Variants in ZNF638 observed in about 807,000 individuals in gnomAD.
ZNF638 encodes zinc finger protein 638.
A neutral mutation model predicts 195.6 loss-of-function variants in ZNF638; 46 were observed. The ratio of observed to expected loss-of-function variants is 0.24; its 90% CI spans 0.19 to 0.30. The LOEUF is 0.30. Ranked by LOEUF, ZNF638 falls within the 10% of genes least tolerant of loss-of-function variation. The pLI is 1.00. For synonymous variants in ZNF638, 845 were observed against 772.0 expected (o/e 1.09, Z -1.57); for missense variants, 2,440 against 2,325.3 (o/e 1.05, Z -1.01).
intron 19 of ZNF638, 95 bp from the exon 20 acceptor site, chr2:71,408,027 G>A: frequency 8.8e-7 from 1 of 1,132,518 alleles, no homozygotes; most frequent in South Asian, 1.6e-5. Context: ...ATTCCTTTTA[G>A]GTGTATACTA....
chr2:71,404,118 G>T lies in ZNF638; in HGVS notation c.2958+120G>T, dbSNP rs1235052028. On this transcript the variant is annotated intron_variant, in intron 17 of 27. Transcript: ENST00000264447. Reference sequence around the variant, plus strand: ...CATTTTTCTCACAGACACTGAGAAAGCTTCTTCCTGTCCCTCCAACAATCA... The same window carrying T: ...CATTTTTCTCACAGACACTGAGAAATCTTCTTCCTGTCCCTCCAACAATCA... The T allele has an allele frequency of 5.1e-6, 5 of 977,930 alleles. No homozygotes were observed. The African/African-American group carries it at 8.3e-5, about 16-fold the overall frequency. 60.6% of individuals were successfully genotyped at this position (977,930 alleles called of 1,614,324 possible). A position where few individuals can be genotyped will look rare whatever the true frequency, so the allele number is the denominator to read the frequency against.
At chr2:71,360,921 T>C (rs1361759173) in intron 3 of ZNF638, among the ~76,000 whole-genome samples, 2 of 152,198 alleles carry the variant, frequency 1.3e-5, no homozygotes, top group East Asian at 3.8e-4. Flanking sequence ...ACATGCTTTA[T>C]CTTTCTGCTC....
At chr2:71,382,051 A>G (rs577286354) in intron 10 of ZNF638, among the ~76,000 whole-genome samples, 2 of 152,142 alleles carry the variant, frequency 1.3e-5, no homozygotes, top group African/African-American at 2.4e-5. Context: ...GCATTTTATT[A>G]TATGGAATTT....
rs766119671 is a variant in ZNF638 at position 71,348,825 on chromosome 2, G to T, written c.-130G>T. ...ACCTGGGCATTGCAAACCCACTTCT[G>T]TTGGGCCCATCTCCTTTGCACTTTG... On this transcript the variant is annotated 5_prime_UTR_variant, in exon 2 of 28. Transcript: ENST00000264447. 1.3e-6 allele frequency: 2 copies of T among 1,599,354 alleles called. No homozygotes were observed. Among genetic ancestry groups the T allele is most frequent in the Non-Finnish European group, 1.7e-6 (2 of 1,175,876 alleles).
chr2:71,404,860 AC>A (rs2080074863), intron 17 of ZNF638, among the ~76,000 whole-genome samples: 1 of 151,900 alleles, frequency 6.6e-6, no homozygotes, highest in Admixed American at 6.6e-5. Flanking sequence ...CCTCTATGTG[AC>A]CTATAAACAT....
At chr2:71,348,411 T>C in intron 1 of ZNF638, 3 of 999,810 alleles carry the variant, frequency 3.0e-6, no homozygotes, top group Non-Finnish European at 3.6e-6. Flanking sequence ...AATGCCTTCA[T>C]CTTTTTTTTC....
At chr2:71,434,412 T>A (rs1004633735) in intron 27 of ZNF638, among the ~76,000 whole-genome samples, 2 of 152,256 alleles carry the variant, frequency 1.3e-5, no homozygotes. Context: ...GTTGTTGCAC[T>A]GTCTTTAAAG....
chr2:71,379,473 A>G (rs1558855505), intron 8 of ZNF638: 1 of 152,170 alleles, frequency 6.6e-6, no homozygotes, highest in Non-Finnish European at 1.5e-5. Flanking sequence ...TGTCTTGGTT[A>G]TCAGATTGAC....
rs550479641 is a variant in ZNF638, at chr2:71,421,448, A to G, written c.3300-1366A>G. 6.6e-5 allele frequency among the ~76,000 whole-genome samples: 10 copies of G among 152,266 alleles called. No homozygotes were observed. In the East Asian group the frequency reaches 1.9e-3, roughly 29 times the overall value. On this transcript the variant is annotated intron_variant, in intron 21 of 27. Transcript: ENST00000264447. ...TGATTAAGGTTTAGGGTCAAGAGGT[A>G]TTTCTCTAATCTGGTAGAAAAGTTT...
In ZNF638 at chr2:71,349,437, T is replaced by C. The variant is rs1473876604; in HGVS notation, c.483T>C (p.Pro161=). ...ACCTAGAAGAACTTAGTCGCTATCC[T>C]GATGAACAACTAACTCCTGAAAATA... The part of the protein sequence containing the change: ...NEDLEELSRY[P]DEQLTPENMP... Residue 161 remains proline (P), a synonymous_variant, in exon 2 of 28, where the codon CCT becomes CCC. Coordinates refer to ENST00000264447, the MANE Select transcript of ZNF638 (RefSeq NM_014497.5). The C allele has an allele frequency of 5.6e-6, 9 of 1,614,022 alleles. No homozygotes were observed. The African/African-American group carries it at 1.2e-4, about 22-fold the overall frequency.
intron 26 of ZNF638, 126 bp from the exon 27 acceptor site, chr2:71,433,039 A>G (rs111758912): frequency 1.3e-5 from 10 of 743,974 alleles, no homozygotes; most frequent in African/African-American, 7.0e-5. Context: ...GTGAGCTGAC[A>G]TCGCGCCACT....
intron 26 of ZNF638, among the ~76,000 whole-genome samples, chr2:71,432,149 A>C (rs541066257): frequency 5.6e-4 from 86 of 152,314 alleles, no homozygotes; most frequent in African/African-American, 2.0e-3. Flanking sequence ...GTTGCCCATC[A>C]TTCTACCTCT....
chr2:71,405,133 C>T (rs887105103), intron 17 of ZNF638, among the ~76,000 whole-genome samples: 1 of 152,212 alleles, frequency 6.6e-6, no homozygotes, highest in African/African-American at 2.4e-5. Context: ...TAGTTGTCCT[C>T]TGCCTGCTTT....
At position 71,403,925 on chromosome 2, in the gene ZNF638, G is replaced by C. The variant is rs370337956; in HGVS notation, c.2885G>C (p.Cys962Ser). Residue 962 changes from cysteine to serine, a missense_variant, in exon 17 of 28, where the codon TGC becomes TCC. Coordinates refer to ENST00000264447, the MANE Select transcript of ZNF638 (RefSeq NM_014497.5). ...GAGTCTATGGTAAAATTTTATACCT[G>C]CTTCCCAGTATTGATGGATGGAAAT... is the stretch of plus-strand genomic sequence containing the variant. ...AAESMVKFYT[C>S]FPVLMDGNQL... The C allele has an allele frequency of 3.1e-6, 5 of 1,609,502 alleles. No homozygotes were observed. Among genetic ancestry groups the C allele is most frequent in the Non-Finnish European group, 4.3e-6 (5 of 1,176,402 alleles).
Position 71,423,677 on chromosome 2 carries a change from C to T in ZNF638, c.4163C>T (p.Ser1388Phe). The T allele has an allele frequency of 6.2e-7, 1 of 1,613,882 alleles. No individual in the cohort carries two copies. Among genetic ancestry groups the T allele is most frequent in the Non-Finnish European group, 8.5e-7 (1 of 1,180,026 alleles). Residue 1388 changes from serine to phenylalanine, a missense_variant, in exon 22 of 28, where the codon TCT becomes TTT. By Grantham distance (155) the Ser-to-Phe change is radical. Around this residue, in one of 5 missense-constraint regions of ZNF638, gnomAD observed 1,883 missense variants for 1,739.1 expected, o/e 1.08. Coordinates refer to ENST00000264447, the MANE Select transcript of ZNF638 (RefSeq NM_014497.5). The stretch of plus-strand genomic sequence containing the variant: ...AGTATTCTGGCTGTATCAGATGTAT[C>T]TAGCAGTAAACCAAGCATCAAGGCT... ...KTSILAVSDVSSSKPSIKAVI... is the reference protein window; with the variant it reads ...KTSILAVSDVFSSKPSIKAVI...
chr2:71,433,742 C>G (rs1239509072), intron 27 of ZNF638, among the ~76,000 whole-genome samples: 1 of 152,210 alleles, frequency 6.6e-6, no homozygotes, highest in African/African-American at 2.4e-5. Flanking sequence ...GAAGTGGTGA[C>G]TCTAGTTCCT....
At chr2:71,410,019 T>A (rs1221354138) in intron 20 of ZNF638, among the ~76,000 whole-genome samples, 1 of 152,232 alleles carries the variant, frequency 6.6e-6, no homozygotes, top group Admixed American at 6.5e-5. Flanking sequence ...ATTGATTGAT[T>A]GTCTAGATGT....
intron 1 of ZNF638, chr2:71,341,763 T>G (rs779202352): frequency 2.6e-5 from 4 of 152,176 alleles, no homozygotes; most frequent in Non-Finnish European, 5.9e-5. Flanking sequence ...ACGAACCTCT[T>G]TATGACCAGA....
Position 71,428,603 on chromosome 2 carries a change from G to C in ZNF638, c.5602G>C (p.Val1868Leu), listed in dbSNP as rs114489501. 227 of 1,614,080 alleles carry C rather than the reference G, an allele frequency of 1.4e-4. No homozygotes were observed. In the African/African-American group the frequency reaches 2.7e-3, roughly 19 times the overall value. Residue 1868 changes from valine to leucine, a missense_variant, in exon 25 of 28, where the codon GTT (valine) becomes CTT (leucine). By Grantham distance (32) the Val-to-Leu change is conservative (BLOSUM62 1). Around this residue, in one of 5 missense-constraint regions of ZNF638, gnomAD observed 1,883 missense variants for 1,739.1 expected, o/e 1.08. Transcript: ENST00000264447. ...GAAAACTCTGCCATCAGAAAAAGCT[G>C]TTGTGACAGAACCAGCAAAAGGTGA... ...IGKTLPSEKA[V>L]VTEPAKGEEA...
Sources: allele counts gnomAD v4.1 joint callset (sites outside exome capture counted in the v4.1 genomes callset), GRCh38; gene constraint gnomAD v4.1.1; regional missense constraint gnomAD v4.1.1; transcripts MANE v1.5; gene names NCBI Gene and HGNC (gene_info 2026-07-23, HGNC 2026-07-21).